The following SMS variants were observed in gnomAD, a reference collection of about 807,000 sequenced individuals.
The protein encoded by SMS is spermine synthase, also known as spermidine aminopropyltransferase.
Under a neutral mutation model 33.0 loss-of-function variants are expected in SMS, and 3 were observed. The observed-to-expected ratio is 0.09, with a 90% CI of 0.04 to 0.23. The LOEUF is 0.23. Ranked by LOEUF, SMS falls within the 10% of genes least tolerant of loss-of-function variation. The pLI, the probability that SMS is intolerant of heterozygous loss-of-function variation, is 1.00. For missense variants in SMS, 117 were observed against 288.6 expected, an observed-to-expected ratio of 0.41 and a Z score of 4.31; for synonymous variants, 103 against 112.2, an observed-to-expected ratio of 0.92 and a Z score of 0.52.
At chrX:21,987,300 A>T (rs1392402643) in intron 9 of SMS, among the ~76,000 whole-genome samples, 1 of 111,204 alleles carries the variant, frequency 9.0e-6, no homozygotes, top group Admixed American at 9.5e-5. Context: ...CCCAGCCATG[A>T]TGGGTACTTT....
At chrX:21,980,282 C>T (rs769716442) in intron 7 of SMS, among the ~76,000 whole-genome samples, 45 of 107,736 alleles carry the variant, frequency 4.2e-4, no homozygotes, top group East Asian at 3.7e-3. Context: ...CCAGGTGTGG[C>T]GGCGTGTGCC....
intron 6 of SMS, among the ~76,000 whole-genome samples, chrX:21,978,488 T>C (rs1403649460): frequency 1.8e-5 from 2 of 111,547 alleles, no homozygotes; most frequent in East Asian, 5.6e-4. Flanking sequence ...GACAGGAGAA[T>C]TGCTTGAACC....
At chrX:21,941,645 G>C (rs1921785762) in intron 1 of SMS, among the ~76,000 whole-genome samples, 2 of 110,286 alleles carry the variant, frequency 1.8e-5, no homozygotes, top group South Asian at 7.7e-4. Context: ...CTAGCACTTT[G>C]GGAGGCCGAG....
chrX:21,990,487 C>T lies in SMS; in HGVS notation c.946-2110C>T, dbSNP rs149475742. Among the ~76,000 whole-genome samples the T allele has an allele frequency of 2.8e-3, 310 of 112,374 alleles. 1 individual carries two copies. Among genetic ancestry groups the T allele is most frequent in the African/African-American group, 7.7e-3 (238 of 30,968 alleles). On this transcript the variant is annotated intron_variant, in intron 9 of 10. Coordinates refer to ENST00000404933, the MANE Select transcript of SMS (RefSeq NM_004595.5). ...TTGCTATTAGATTTTTATTCTGCAT[C>T]TCCCATTTGTTTCTCTTAAAAAGAA...
intron 1 of SMS, chrX:21,941,402 C>G: frequency 9.6e-6 from 2 of 208,956 alleles, no homozygotes; most frequent in South Asian, 5.0e-5. Flanking sequence ...GGTTTCCCCT[C>G]GTAGGGAGCT....
chrX:21,957,696 T>G (rs1424550147), intron 1 of SMS, among the ~76,000 whole-genome samples: 1 of 112,563 alleles, frequency 8.9e-6, no homozygotes, highest in African/African-American at 3.2e-5. Context: ...CATGCTGTTT[T>G]CCATAGTGGT....
chrX:21,957,878 T>A (rs897825618), intron 1 of SMS, among the ~76,000 whole-genome samples: 1 of 112,211 alleles, frequency 8.9e-6, no homozygotes, highest in African/African-American at 3.2e-5. Flanking sequence ...TGTTGAGCAT[T>A]TTTTCATGTT....
At chrX:21,971,343 T>A (rs1924145973) in intron 2 of SMS, among the ~76,000 whole-genome samples, 1 of 102,329 alleles carries the variant, frequency 9.8e-6, no homozygotes, top group Admixed American at 1.0e-4. Context: ...GTCACATTTT[T>A]AAAAATCTTT....
intron 8 of SMS, 30 bp from the exon 9 acceptor site, chrX:21,985,114 T>G: frequency 1.0e-6 from 1 of 965,114 alleles, no homozygotes; most frequent in Admixed American, 2.2e-5. Context: ...CAAACCCATA[T>G]TTATGAAACT....
chrX:21,955,186 C>T (rs1462142056), intron 1 of SMS, among the ~76,000 whole-genome samples: 1 of 112,027 alleles, frequency 8.9e-6, no homozygotes, highest in Non-Finnish European at 1.9e-5. Context: ...GGATTCTGCC[C>T]GGTTAAGGTT....
At position 21,985,078 on chromosome X, in the gene SMS, T is replaced by C; in HGVS notation, c.866-66T>C. Reference sequence around the variant, plus strand: ...CTTTTGGTATTGAGTATTCGAATATTTTACTTCAGATGTTGTGGATACATA... The same window carrying C: ...CTTTTGGTATTGAGTATTCGAATATCTTACTTCAGATGTTGTGGATACATA... On this transcript the variant is annotated intron_variant, in intron 8 of 10. Coordinates refer to ENST00000404933, the MANE Select transcript of SMS (RefSeq NM_004595.5). The C allele has an allele frequency of 4.3e-6, 3 of 704,107 alleles. No homozygotes were observed. In the South Asian group the frequency reaches 6.4e-5, roughly 15 times the overall value. The allele number at this position is 704,107 out of a possible 1,213,427, so 58.0% of individuals were successfully genotyped here. A position where few individuals can be genotyped will look rare whatever the true frequency, so the allele number is the denominator to read the frequency against.
chrX:21,964,076 T>G (rs1923537604), intron 1 of SMS, among the ~76,000 whole-genome samples: 1 of 109,867 alleles, frequency 9.1e-6, no homozygotes, highest in Non-Finnish European at 1.9e-5. Context: ...TTTTTTTTTT[T>G]TTTGTGAAGT....
chrX:21,950,065 A>T (rs893986486), intron 1 of SMS, among the ~76,000 whole-genome samples: 3 of 111,398 alleles, frequency 2.7e-5, no homozygotes, highest in African/African-American at 9.8e-5. Flanking sequence ...GTAGTGGCAT[A>T]GTTTTTTGTT....
intron 3 of SMS, among the ~76,000 whole-genome samples, chrX:21,972,267 G>A (rs1602205677): frequency 8.9e-6 from 1 of 111,776 alleles, no homozygotes; most frequent in East Asian, 2.8e-4. Context: ...GTACCCTTTA[G>A]CCTTCCTCTT....
chrX:21,960,630 C>T (rs976430301), intron 1 of SMS, among the ~76,000 whole-genome samples: 12 of 111,989 alleles, frequency 1.1e-4, no homozygotes, highest in Admixed American at 8.5e-4. Flanking sequence ...ACAGTTTGTA[C>T]TGTGGTTAAA....
At chrX:21,984,033 G>T (rs916968552) in intron 7 of SMS, among the ~76,000 whole-genome samples, 5 of 111,809 alleles carry the variant, frequency 4.5e-5, no homozygotes, top group Non-Finnish European at 9.4e-5. Context: ...CCTCAAGTTT[G>T]TTTCTGCATT....
intron 10 of SMS, among the ~76,000 whole-genome samples, chrX:21,993,582 C>T (rs954815652): frequency 3.6e-5 from 4 of 111,924 alleles, no homozygotes; most frequent in Non-Finnish European, 7.5e-5. Flanking sequence ...CAGAGCCCGA[C>T]GGGGCAAACT....
intron 1 of SMS, among the ~76,000 whole-genome samples, chrX:21,954,078 A>T (rs1277246796): frequency 9.0e-6 from 1 of 111,587 alleles, no homozygotes; most frequent in African/African-American, 3.2e-5. Flanking sequence ...CGTATTCCTT[A>T]AAAAGCAAGA....
intron 1 of SMS, chrX:21,959,941 C>T (rs760588974): frequency 1.5e-5 from 11 of 752,231 alleles, no homozygotes; most frequent in South Asian, 6.8e-5. Flanking sequence ...AAGAAGGGGC[C>T]GGGTATAAGC....
Sources: gnomAD v4.1 joint callset for allele counts (sites outside exome capture counted in the v4.1 genomes callset) on GRCh38, gnomAD v4.1.1 for gene constraint, MANE v1.5 for transcripts, NCBI Gene and HGNC (gene_info 2026-07-23, HGNC 2026-07-21) for gene names.